GLIS3: variants seen among roughly 807,000 people sequenced by gnomAD.
GLIS3 encodes GLIS family zinc finger 3.
A neutral mutation model predicts 78.6 loss-of-function variants in GLIS3; 53 were observed. That is an observed-to-expected ratio of 0.67 (90% CI 0.54 to 0.85). The LOEUF is 0.85. Among genes scored for constraint, GLIS3 ranks in the 40% least tolerant of loss-of-function variants. The pLI is 0.00. For missense variants in GLIS3, 1,703 were observed against 1,231.1 expected, an observed-to-expected ratio of 1.38 and a Z score of -5.74; for synonymous variants, 684 against 509.9, an observed-to-expected ratio of 1.34 and a Z score of -4.60.
At chr9:4,408,494 T>C in the GLIS3 span, among the ~76,000 whole-genome samples, 1 of 151,262 alleles carries the variant, frequency 6.6e-6, no homozygotes, top group Non-Finnish European at 1.5e-5. Context: ...TTTTGGAGGC[T>C]GAGGCGGGCG....
chr9:3,900,637 TA>T (rs1823225449), intron 6 of GLIS3, among the ~76,000 whole-genome samples: 1 of 152,276 alleles, frequency 6.6e-6, no homozygotes, highest in African/African-American at 2.4e-5. Context: ...ATGCAACCAT[TA>T]AAATGGTATT....
chr9:3,907,390 A>C (rs1823782568), intron 6 of GLIS3, among the ~76,000 whole-genome samples: 1 of 152,186 alleles, frequency 6.6e-6, no homozygotes, highest in South Asian at 2.1e-4. Flanking sequence ...GAATATGTCT[A>C]AAATAGACAA....
intron 4 of GLIS3, among the ~76,000 whole-genome samples, chr9:4,054,063 G>A (rs1232511813): frequency 1.3e-5 from 2 of 152,212 alleles, no homozygotes; most frequent in African/African-American, 2.4e-5. Flanking sequence ...AATAAAAAAT[G>A]TATGAGTTAA....
the GLIS3 span, among the ~76,000 whole-genome samples, chr9:4,458,288 T>A: frequency 6.6e-6 from 1 of 152,206 alleles, no homozygotes; most frequent in Non-Finnish European, 1.5e-5. Flanking sequence ...CATGCATTGT[T>A]CTAGGCACTG....
chr9:4,145,746 C>T (rs996345251), intron 2 of GLIS3, among the ~76,000 whole-genome samples: 6 of 151,752 alleles, frequency 4.0e-5, no homozygotes, highest in Admixed American at 3.9e-4. Context: ...TCCCTTTGTT[C>T]CCCCTCCCTC....
At chr9:3,946,415 G>T (rs138571320) in intron 4 of GLIS3, among the ~76,000 whole-genome samples, 1 of 152,296 alleles carries the variant, frequency 6.6e-6, no homozygotes, top group East Asian at 1.9e-4. Flanking sequence ...AGCTCATTAA[G>T]GCTTTTTAAT....
At chr9:4,411,763 A>G in the GLIS3 span, among the ~76,000 whole-genome samples, 2 of 152,364 alleles carry the variant, frequency 1.3e-5, no homozygotes, top group African/African-American at 4.8e-5. Context: ...TTACAACACC[A>G]TCCACCACAG....
chr9:3,985,621 A>C (rs1209132020), intron 4 of GLIS3, among the ~76,000 whole-genome samples: 1 of 152,158 alleles, frequency 6.6e-6, no homozygotes, highest in Non-Finnish European at 1.5e-5. Context: ...TACAACAGCT[A>C]CTATTAGATT....
At position 4,259,874 on chromosome 9, in the gene GLIS3, G is replaced by A. The variant is rs16921001; in HGVS notation, c.388+26164C>T. Among the ~76,000 whole-genome samples, 759 of 152,318 alleles carry A rather than the reference G, an allele frequency of 5.0e-3. 5 individuals are homozygous for A. The highest frequency in any genetic ancestry group is 0.017 in the African/African-American group (720 of 41,566). ...CCTTCTTTGCCATGTGAACTAAGGT[G>A]TAAAACGGAGAAAATGTGTTTTCAG... On this transcript the variant is annotated intron_variant, in intron 2 of 10. Coordinates refer to ENST00000381971, the MANE Select transcript of GLIS3 (RefSeq NM_001042413.2).
At chr9:3,994,018 A>C (rs1171629055) in intron 4 of GLIS3, among the ~76,000 whole-genome samples, 1 of 152,186 alleles carries the variant, frequency 6.6e-6, no homozygotes, top group Admixed American at 6.5e-5. Flanking sequence ...GTTAAAACAC[A>C]GATTTCTGCG....
At chr9:4,000,769 A>C (rs1821074083) in intron 4 of GLIS3, among the ~76,000 whole-genome samples, 1 of 152,160 alleles carries the variant, frequency 6.6e-6, no homozygotes, top group Non-Finnish European at 1.5e-5. Flanking sequence ...GAATTATCAG[A>C]TGCCCAAGCC....
chr9:4,250,544 T>C (rs1325217107), intron 2 of GLIS3, among the ~76,000 whole-genome samples: 1 of 151,624 alleles, frequency 6.6e-6, no homozygotes, highest in Non-Finnish European at 1.5e-5. Flanking sequence ...TCAGTTTTGT[T>C]GATCTTTTCA....
chr9:4,004,534 T>A (rs185900068), intron 4 of GLIS3, among the ~76,000 whole-genome samples: 23 of 152,232 alleles, frequency 1.5e-4, no homozygotes, highest in Admixed American at 1.5e-3. Flanking sequence ...CCTCAAACAG[T>A]TGGCAAGCAA....
rs183678396 is a variant in GLIS3, at chr9:3,839,522, T to C, written c.2474-10030A>G. Reference sequence around the variant, plus strand: ...CAGGCATTGCCCCAGGTGTTTTACATAGAAAATCTTCATCATTAAAACAAC... The same window carrying C: ...CAGGCATTGCCCCAGGTGTTTTACACAGAAAATCTTCATCATTAAAACAAC... On this transcript the variant is annotated intron_variant, in intron 9 of 10. Transcript: ENST00000381971. 2.9e-4 allele frequency among the ~76,000 whole-genome samples: 44 copies of C among 151,792 alleles called. No homozygotes were observed. The East Asian group carries it at 3.3e-3, about 11-fold the overall frequency.
chr9:4,468,037 C>T, the GLIS3 span, among the ~76,000 whole-genome samples: 1 of 151,978 alleles, frequency 6.6e-6, no homozygotes, highest in East Asian at 1.9e-4. Context: ...GAAAGGTTAT[C>T]AGTGATTGAA....
At chr9:3,920,055 G>C (rs1042911563) in intron 6 of GLIS3, among the ~76,000 whole-genome samples, 3 of 140,894 alleles carry the variant, frequency 2.1e-5, no homozygotes, top group Non-Finnish European at 4.5e-5. Context: ...CCAGGCTGGA[G>C]TGCAGTGGCA....
intron 8 of GLIS3, among the ~76,000 whole-genome samples, chr9:3,860,783 C>T (rs1820162435): frequency 6.6e-6 from 1 of 152,158 alleles, no homozygotes; most frequent in Non-Finnish European, 1.5e-5. Context: ...GTTCTAAAGT[C>T]CATGGTGACA....
chr9:4,249,657 T>G lies in GLIS3; in HGVS notation c.388+36381A>C, dbSNP rs545206352. Among the ~76,000 whole-genome samples the G allele has an allele frequency of 3.3e-5, 5 of 152,354 alleles. No individual in the cohort carries two copies. In the South Asian group the frequency reaches 1.0e-3, roughly 32 times the overall value. Reference sequence around the variant, plus strand: ...CTGGCCAGAACTTCCAATACTATGTTGAATAAGGGTGGTGAGAGAGGACAT... The same window carrying G: ...CTGGCCAGAACTTCCAATACTATGTGGAATAAGGGTGGTGAGAGAGGACAT... On this transcript the variant is annotated intron_variant, in intron 2 of 10. Transcript: ENST00000381971.
At chr9:4,018,343 G>A (rs138136813) in intron 4 of GLIS3, among the ~76,000 whole-genome samples, 5 of 152,302 alleles carry the variant, frequency 3.3e-5, no homozygotes, top group Non-Finnish European at 7.3e-5. Context: ...CCTCGGGGCA[G>A]GGATGCACAT....
Sources: gnomAD v4.1 joint callset for allele counts (sites outside exome capture counted in the v4.1 genomes callset) on GRCh38, gnomAD v4.1.1 for gene constraint, MANE v1.5 for transcripts, NCBI Gene and HGNC (gene_info 2026-07-23, HGNC 2026-07-21) for gene names.